The following PRMT8 variants were observed in gnomAD, a reference collection of about 807,000 sequenced individuals.
PRMT8 encodes protein arginine N-methyltransferase 8.
A neutral mutation model predicts 47.1 loss-of-function variants in PRMT8; 7 were observed. That is an observed-to-expected ratio of 0.15 (90% CI 0.08 to 0.28). PRMT8 has a LOEUF of 0.28. Among genes scored for constraint, PRMT8 ranks in the 10% least tolerant of loss-of-function variants. The pLI is 1.00. For synonymous variants in PRMT8, 188 were observed against 186.5 expected, an observed-to-expected ratio of 1.01 and a Z score of -0.07; for missense variants, 237 against 505.4, an observed-to-expected ratio of 0.47 and a Z score of 5.09.
intron 1 of PRMT8, among the ~76,000 whole-genome samples, chr12:3,510,922 A>T (rs1865703158): frequency 6.6e-6 from 1 of 152,148 alleles, no homozygotes; most frequent in Non-Finnish European, 1.5e-5. Context: ...CCCTCAGCTG[A>T]TACCAAGTAA....
chr12:3,403,968 A>T (rs1222264905), intron 1 of PRMT8, among the ~76,000 whole-genome samples: 7 of 151,974 alleles, frequency 4.6e-5, no homozygotes, highest in Non-Finnish European at 1.0e-4. Context: ...ACATATTTGT[A>T]ATTTTTTAAA....
chr12:3,539,008 C>A lies in PRMT8; in HGVS notation c.76-1598C>A, dbSNP rs541800181. Among the ~76,000 whole-genome samples the A allele has an allele frequency of 8.0e-4, 122 of 152,286 alleles. 2 individuals are homozygous for A. The highest frequency in any genetic ancestry group is 3.2e-4 in the Non-Finnish European group (22 of 68,024). The stretch of plus-strand genomic sequence containing the variant: ...GACACAGAACAGTCTTGGGACTGCG[C>A]GGAGTGATTCCACGGAGGGGTTGAA... On this transcript the variant is annotated intron_variant, in intron 1 of 9. Coordinates refer to ENST00000382622, the MANE Select transcript of PRMT8 (RefSeq NM_019854.5).
chr12:3,591,674 A>C (rs1867309332), intron 8 of PRMT8, among the ~76,000 whole-genome samples: 1 of 152,198 alleles, frequency 6.6e-6, no homozygotes, highest in East Asian at 1.9e-4. Flanking sequence ...GGTTACAGCT[A>C]TGAGCCACTA....
intron 1 of PRMT8, among the ~76,000 whole-genome samples, chr12:3,523,007 G>GA (rs35608987): frequency 2.0e-5 from 3 of 151,308 alleles, no homozygotes; most frequent in East Asian, 2.0e-4. Flanking sequence ...GAGCCTGATA[G>GA]AAAAAAAAAA....
At chr12:3,568,435 C>G (rs1334413951) in intron 4 of PRMT8, among the ~76,000 whole-genome samples, 1 of 152,156 alleles carries the variant, frequency 6.6e-6, no homozygotes, top group Non-Finnish European at 1.5e-5. Context: ...CCTCACAGGG[C>G]TGTTGGAAGG....
chr12:3,475,849 C>T (rs531829043), intron 1 of PRMT8, among the ~76,000 whole-genome samples: 1 of 152,324 alleles, frequency 6.6e-6, no homozygotes, highest in South Asian at 2.1e-4. Flanking sequence ...TATGCTCATT[C>T]TCTTCTACAT....
chr12:3,448,896 C>T (rs190735952), intron 1 of PRMT8, among the ~76,000 whole-genome samples: 1 of 152,190 alleles, frequency 6.6e-6, no homozygotes, highest in Non-Finnish European at 1.5e-5. Flanking sequence ...CTTCTCCTTG[C>T]ACCCCCATAG....
At chr12:3,549,798 T>C (rs1866386261) in intron 2 of PRMT8, 138 bp from the exon 3 acceptor site, 3 of 916,732 alleles carry the variant, frequency 3.3e-6, no homozygotes, top group Non-Finnish European at 5.0e-6. Context: ...ACCCCAGTTT[T>C]GTCCTCTGTG....
At chr12:3,545,388 C>T (rs559324283) in intron 2 of PRMT8, among the ~76,000 whole-genome samples, 180 of 152,260 alleles carry the variant, frequency 1.2e-3, no homozygotes, top group African/African-American at 4.1e-3. Flanking sequence ...GTCTTTGGTC[C>T]GAGATCTCCT....
At chr12:3,579,246 G>C (rs1183273531) in intron 7 of PRMT8, among the ~76,000 whole-genome samples, 1 of 152,044 alleles carries the variant, frequency 6.6e-6, no homozygotes, top group East Asian at 1.9e-4. Context: ...TTCAGCTTGG[G>C]GATAAAATTC....
In PRMT8 at chr12:3,456,231, G is replaced by A. The variant is rs962819817; in HGVS notation, c.48+74789G>A. ...AAGCGCCACCTTTGAGCGGGAAATGGCAGCCTCCCCTTGCCTGCAGTTCTT... is the reference window on the plus strand; with the variant it reads ...AAGCGCCACCTTTGAGCGGGAAATGACAGCCTCCCCTTGCCTGCAGTTCTT... On this transcript the variant is annotated intron_variant, in intron 1 of 9. Transcript: ENST00000452611. The surrounding 1 kb of genome is among the most constrained non-coding windows in gnomAD (Gnocchi z 4.2). 6.6e-6 allele frequency among the ~76,000 whole-genome samples: 1 copy of A among 152,206 alleles called. No individual in the cohort carries two copies. Among genetic ancestry groups the A allele is most frequent in the Non-Finnish European group, 1.5e-5 (1 of 68,036 alleles).
At chr12:3,582,219 A>T (rs879647725) in intron 7 of PRMT8, among the ~76,000 whole-genome samples, 1 of 152,208 alleles carries the variant, frequency 6.6e-6, no homozygotes, top group Non-Finnish European at 1.5e-5. Flanking sequence ...GCATTCTTCC[A>T]TAGAAAAGAA....
At position 3,550,058 on chromosome 12, in the gene PRMT8, C is replaced by G; in HGVS notation, c.384C>G (p.Phe128Leu). 6.2e-7 allele frequency: 1 copy of G among 1,614,154 alleles called. No individual in the cohort carries two copies. ...GTGGTACTGGGATCCTTTCCATGTT[C>G]GCTGCCAAGGCAGGGGCCAAGAAGG... ...VGSGTGILSM[F>L]AAKAGAKKVF... is the part of the protein sequence containing the mutation. Residue 128 changes from phenylalanine to leucine, a missense_variant, in exon 3 of 10, where the codon TTC (phenylalanine) becomes TTG (leucine). Transcript: ENST00000382622. The surrounding 1 kb of genome is among the most constrained non-coding windows in gnomAD (Gnocchi z 5.1).
intron 4 of PRMT8, among the ~76,000 whole-genome samples, chr12:3,560,296 G>A (rs1233447157): frequency 2.0e-5 from 3 of 152,130 alleles, no homozygotes; most frequent in South Asian, 4.1e-4. Context: ...ACAACACGGG[G>A]CATAGAATAC....
chr12:3,407,973 G>A (rs1422525347), intron 1 of PRMT8, among the ~76,000 whole-genome samples: 1 of 151,490 alleles, frequency 6.6e-6, no homozygotes, highest in African/African-American at 2.4e-5. Context: ...TTGGTTGTTT[G>A]TTTTTCTTTG....
In PRMT8 at chr12:3,528,038, A is replaced by G. The variant is rs183685163; in HGVS notation, c.76-12568A>G. Reference sequence around the variant, plus strand: ...GTCATTCTTATCTTAGTTCCTTTGTAATATATCTCCCCATCCCCCTCTACC... The same window carrying G: ...GTCATTCTTATCTTAGTTCCTTTGTGATATATCTCCCCATCCCCCTCTACC... On this transcript the variant is annotated intron_variant, in intron 1 of 9. Coordinates refer to ENST00000382622, the MANE Select transcript of PRMT8 (RefSeq NM_019854.5). Among the ~76,000 whole-genome samples the G allele has an allele frequency of 6.6e-5, 10 of 152,178 alleles. No homozygotes were observed. The East Asian group carries it at 1.9e-3, about 29-fold the overall frequency.
intron 8 of PRMT8, among the ~76,000 whole-genome samples, chr12:3,586,808 C>T (rs1177033896): frequency 2.0e-5 from 3 of 152,368 alleles, no homozygotes; most frequent in South Asian, 2.1e-4. Flanking sequence ...TCCATCTCCT[C>T]ACTCAGGTAT....
chr12:3,455,692 G>C (rs1044855967), intron 1 of PRMT8, among the ~76,000 whole-genome samples: 8 of 152,202 alleles, frequency 5.3e-5, no homozygotes, highest in African/African-American at 1.9e-4. Flanking sequence ...TCAGCGGGGG[G>C]TGGGGTTGAG....
At chr12:3,548,973 A>G (rs894340313) in intron 2 of PRMT8, among the ~76,000 whole-genome samples, 2 of 152,228 alleles carry the variant, frequency 1.3e-5, no homozygotes, top group African/African-American at 2.4e-5. Context: ...ATACAACAAC[A>G]ACAACAAAAG....
Sources: allele counts gnomAD v4.1 joint callset (sites outside exome capture counted in the v4.1 genomes callset), GRCh38; gene constraint gnomAD v4.1.1; non-coding constraint Gnocchi (gnomAD v3.1); transcripts MANE v1.5; gene names NCBI Gene and HGNC (gene_info 2026-07-23, HGNC 2026-07-21).